ADAMTS6: variants seen among roughly 807,000 people sequenced by gnomAD.
The protein encoded by ADAMTS6 is A disintegrin and metalloproteinase with thrombospondin motifs 6.
Under a neutral mutation model 144.3 loss-of-function variants are expected in ADAMTS6, and 23 were observed. The ratio of observed to expected loss-of-function variants is 0.16; its 90% CI spans 0.11 to 0.23. The LOEUF is 0.23. Among genes scored for constraint, ADAMTS6 ranks in the 10% least tolerant of loss-of-function variants. The pLI is 1.00. For missense variants in ADAMTS6, 999 were observed against 1,379.6 expected, an observed-to-expected ratio of 0.72 and a Z score of 4.37; for synonymous variants, 444 against 457.5, an observed-to-expected ratio of 0.97 and a Z score of 0.38.
In ADAMTS6 at chr5:65,277,019, G is replaced by A. The variant is rs547684278; in HGVS notation, c.1513-3572C>T. Among the ~76,000 whole-genome samples the A allele has an allele frequency of 2.4e-4, 36 of 152,194 alleles. 1 individual carries two copies. The South Asian group carries it at 5.6e-3, about 24-fold the overall frequency. ...CTTGATAATCCTAAATTTTGTTTTG[G>A]GAAGGCTCTGTAAGGGAAATTTGGG... On this transcript the variant is annotated intron_variant, in intron 11 of 24. Transcript: ENST00000381055.
At position 65,172,949 on chromosome 5, in the gene ADAMTS6, G is replaced by A. The variant is rs1458960243; in HGVS notation, c.2970C>T (p.Asp990=). 6.2e-7 allele frequency: 1 copy of A among 1,614,222 alleles called. No individual in the cohort carries two copies. Among genetic ancestry groups the A allele is most frequent in the East Asian group, 2.2e-5 (1 of 44,878 alleles). ...GTGCAGCTGGGAATGTCTTAGAAAG[G>A]TCACTGCTCTTGCACAGAACAATCC... ...KHRIVLCKSS[D]LSKTFPAAQC... is the part of the protein sequence containing the mutation. The change falls in exon 23 of 25, where the codon GAC becomes GAT. Residue 990 remains aspartate (D), a synonymous_variant. Transcript: ENST00000381055.
At chr5:65,371,928 C>G (rs1750965205) in intron 7 of ADAMTS6, among the ~76,000 whole-genome samples, 1 of 152,110 alleles carries the variant, frequency 6.6e-6, no homozygotes, top group Non-Finnish European at 1.5e-5. Context: ...GACCTCTCGG[C>G]AGAAACTCTA....
intron 3 of ADAMTS6, among the ~76,000 whole-genome samples, chr5:65,467,739 C>A (rs973204132): frequency 1.3e-5 from 2 of 152,132 alleles, no homozygotes; most frequent in Admixed American, 1.3e-4. Flanking sequence ...GACTCAGAAA[C>A]TTTACTTTCC....
At chr5:65,235,683 T>G (rs1237416375) in intron 15 of ADAMTS6, among the ~76,000 whole-genome samples, 1 of 152,170 alleles carries the variant, frequency 6.6e-6, no homozygotes, top group Non-Finnish European at 1.5e-5. Context: ...TTCTTCAATT[T>G]TGAAACTCAG....
At chr5:65,362,215 G>A (rs1749895841) in intron 7 of ADAMTS6, among the ~76,000 whole-genome samples, 1 of 152,178 alleles carries the variant, frequency 6.6e-6, no homozygotes, top group African/African-American at 2.4e-5. Context: ...AAAAGAACAT[G>A]AAGTTAGCCT....
chr5:65,474,739 T>A (rs1205122639), intron 1 of ADAMTS6, among the ~76,000 whole-genome samples: 1 of 118,622 alleles, frequency 8.4e-6, no homozygotes, highest in South Asian at 2.6e-4. Context: ...ATACAGCAGA[T>A]CAGAAGAAGA....
chr5:65,285,359 T>G (rs1763282018), intron 11 of ADAMTS6, among the ~76,000 whole-genome samples: 1 of 152,128 alleles, frequency 6.6e-6, no homozygotes, highest in Non-Finnish European at 1.5e-5. Flanking sequence ...AGGTCCTCTC[T>G]CCACTCTCTT....
At chr5:65,248,779 T>C (rs1220195838) in intron 14 of ADAMTS6, among the ~76,000 whole-genome samples, 1 of 152,068 alleles carries the variant, frequency 6.6e-6, no homozygotes, top group Non-Finnish European at 1.5e-5. Context: ...AGAGCCTGAC[T>C]GTCTCCAAAA....
intron 7 of ADAMTS6, among the ~76,000 whole-genome samples, chr5:65,387,319 GATTA>G (rs1490570939): frequency 2.0e-5 from 3 of 152,252 alleles, no homozygotes; most frequent in Admixed American, 1.3e-4. Context: ...GTACTTCATA[GATTA>G]ATTATTCCTT....
intron 14 of ADAMTS6, among the ~76,000 whole-genome samples, chr5:65,243,830 C>T (rs1032658782): frequency 6.6e-6 from 1 of 151,930 alleles, no homozygotes; most frequent in Admixed American, 6.6e-5. Context: ...ACAAAAAAAA[C>T]AAACAAATAA....
chr5:65,259,232 G>A (rs1030966083), intron 14 of ADAMTS6, among the ~76,000 whole-genome samples: 1 of 151,700 alleles, frequency 6.6e-6, no homozygotes, highest in Non-Finnish European at 1.5e-5. Context: ...AAATTAGCCA[G>A]GTGTGGTGGC....
At chr5:65,163,687 A>G (rs1285992807) in intron 24 of ADAMTS6, among the ~76,000 whole-genome samples, 1 of 152,224 alleles carries the variant, frequency 6.6e-6, no homozygotes, top group Non-Finnish European at 1.5e-5. Flanking sequence ...TTATTTGACT[A>G]TATATTAATG....
At chr5:65,409,342 C>CAA (rs138201601) in intron 7 of ADAMTS6, among the ~76,000 whole-genome samples, 59,373 of 151,454 alleles carry the variant, frequency 0.39, 11,937 homozygotes, top group South Asian at 0.44. Flanking sequence ...CACAGAAATA[C>CAA]ACTACCATCA....
At chr5:65,428,945 T>C (rs905038221) in intron 7 of ADAMTS6, among the ~76,000 whole-genome samples, 2 of 152,284 alleles carry the variant, frequency 1.3e-5, no homozygotes. Context: ...TTTACATTGA[T>C]GGGGTTCAGG....
At chr5:65,314,490 T>C (rs1744799938) in intron 9 of ADAMTS6, among the ~76,000 whole-genome samples, 1 of 152,068 alleles carries the variant, frequency 6.6e-6, no homozygotes, top group African/African-American at 2.4e-5. Flanking sequence ...GAAGTAATAA[T>C]GGCTAAGAAT....
intron 21 of ADAMTS6, among the ~76,000 whole-genome samples, chr5:65,196,333 T>C (rs1346988383): frequency 6.6e-6 from 1 of 151,810 alleles, no homozygotes; most frequent in African/African-American, 2.4e-5. Context: ...TGATCCTGGC[T>C]AACACAGTGA....
intron 7 of ADAMTS6, among the ~76,000 whole-genome samples, chr5:65,424,217 T>G (rs949845989): frequency 6.6e-6 from 1 of 152,184 alleles, no homozygotes; most frequent in South Asian, 2.1e-4. Flanking sequence ...AATTCCACTT[T>G]GAAGTACGGA....
rs530019020 is a variant in ADAMTS6, at chr5:65,309,836, G to A, written c.1224-9705C>T. Among the ~76,000 whole-genome samples, 14 of 152,172 alleles carry A rather than the reference G, an allele frequency of 9.2e-5. No homozygotes were observed. The East Asian group carries it at 1.4e-3, about 15-fold the overall frequency. ...AAAAATAATGGTATAGCTGGGCACC[G>A]TGACTCATGCCTATAATCCCAGCAC... is the stretch of plus-strand genomic sequence containing the variant. On this transcript the variant is annotated intron_variant, in intron 9 of 24. Coordinates refer to ENST00000381055, the MANE Select transcript of ADAMTS6 (RefSeq NM_197941.4).
At chr5:65,188,269 C>T (rs544869609) in intron 21 of ADAMTS6, 49 bp from the exon 22 acceptor site, 7 of 1,590,658 alleles carry the variant, frequency 4.4e-6, no homozygotes, top group Non-Finnish European at 6.0e-6. Context: ...CTCAGTGCAT[C>T]CAGAGATTTT....
Sources: gnomAD v4.1 joint callset for allele counts (sites outside exome capture counted in the v4.1 genomes callset) on GRCh38, gnomAD v4.1.1 for gene constraint, MANE v1.5 for transcripts, NCBI Gene and HGNC (gene_info 2026-07-23, HGNC 2026-07-21) for gene names.